Variants in TTLL11 observed in about 807,000 individuals in gnomAD.
TTLL11 encodes tubulin tyrosine ligase like 11.
In TTLL11, 42 loss-of-function variants were observed where a neutral mutation model predicts 51.7. That is an observed-to-expected ratio of 0.81 (90% confidence interval 0.64 to 1.05). The LOEUF (loss-of-function observed/expected upper bound fraction) is 1.05. TTLL11 is among the 50% of genes least tolerant of loss of function. The pLI is 0.00. For missense variants in TTLL11, 799 were observed against 940.4 expected (o/e 0.85, Z 1.97); for synonymous variants, 381 against 383.5 (o/e 0.99, Z 0.08).
intron 6 of TTLL11, among the ~76,000 whole-genome samples, chr9:121,953,650 AAAAAG>A (rs1426985692): frequency 0.016 from 1,232 of 76,318 alleles, 9 homozygotes; most frequent in African/African-American, 0.052. Context: ...AAAAAAAAAA[AAAAAG>A]AAGAAGATTA....
intron 6 of TTLL11, among the ~76,000 whole-genome samples, chr9:121,911,550 T>C (rs1283231221): frequency 6.6e-6 from 1 of 152,196 alleles, no homozygotes; most frequent in Non-Finnish European, 1.5e-5. Flanking sequence ...TGCCCATCAA[T>C]GTTAGACTGG....
In TTLL11 at chr9:121,822,568, CAGG is replaced by C; in HGVS notation, c.*16_*18del. 1 of 1,426,846 alleles carries C rather than the reference CAGG, an allele frequency of 7.0e-7. No individual in the cohort carries two copies. The highest frequency in any genetic ancestry group is 9.2e-7 in the Non-Finnish European group (1 of 1,086,884). 88.4% of individuals were successfully genotyped at this position (1,426,846 alleles called of 1,614,324 possible). A position where few individuals can be genotyped will look rare whatever the true frequency, so the allele number is the denominator to read the frequency against. ...AAAGCTGCTCTCGTCTTCCGTTTTC[CAGG>C]AGGACAGAGTGGCCCTCAGGACAGG... On this transcript the variant is annotated 3_prime_UTR_variant, in exon 9 of 9. Transcript: ENST00000321582. The surrounding 1 kb of genome is among the most constrained non-coding windows in gnomAD (Gnocchi z 5.8).
At chr9:121,837,515 G>C (rs1011662687) in intron 8 of TTLL11, among the ~76,000 whole-genome samples, 1 of 152,090 alleles carries the variant, frequency 6.6e-6, no homozygotes, top group Non-Finnish European at 1.5e-5. Flanking sequence ...CCTGGAGCGG[G>C]TGGGGGTGAG....
chr9:121,974,094 T>C lies in TTLL11; in HGVS notation c.1396A>G (p.Ser466Gly). Reference sequence around the variant, plus strand: ...ACTTTCACTTCTTCATCAACGAGGCTGGGGACATTTTCAAACACCCCTGGA... The same window carrying C: ...ACTTTCACTTCTTCATCAACGAGGCCGGGGACATTTTCAAACACCCCTGGA... ...LSPGVFENVP[S>G]LVDEEVKVAV... The change falls in exon 6 of 9, where the codon AGC (serine) becomes GGC (glycine). Residue 466 changes from serine (S) to glycine (G), a missense_variant. This residue lies in a region of TTLL11 where 468 missense variants were observed against 612.8 expected (regional missense o/e 0.76). Transcript: ENST00000321582. 1 of 1,551,676 alleles carries C rather than the reference T, an allele frequency of 6.4e-7. No individual in the cohort carries two copies. The highest frequency in any genetic ancestry group is 8.7e-7 in the Non-Finnish European group (1 of 1,146,992).
chr9:122,077,775 G>C (rs889997907), intron 1 of TTLL11, among the ~76,000 whole-genome samples: 14 of 146,228 alleles, frequency 9.6e-5, no homozygotes, highest in Non-Finnish European at 2.1e-4. Flanking sequence ...TTGTTTTCAA[G>C]CATACATGGA....
intron 4 of TTLL11, among the ~76,000 whole-genome samples, chr9:121,988,720 C>A (rs959716032): frequency 2.0e-5 from 3 of 152,186 alleles, no homozygotes; most frequent in African/African-American, 7.2e-5. Context: ...GCATTTAAAA[C>A]CCTCCATAAT....
chr9:121,857,586 T>C (rs1837867567), intron 8 of TTLL11, among the ~76,000 whole-genome samples: 1 of 152,212 alleles, frequency 6.6e-6, no homozygotes. Flanking sequence ...TTCCACCTGG[T>C]GATGACTATT....
At position 121,817,285 on chromosome 9, in the gene TTLL11, G is replaced by A. The variant is rs1836439733; in HGVS notation, c.*5302C>T. 6.6e-6 allele frequency: 1 copy of A among 152,236 alleles called. No individual in the cohort carries two copies. Among genetic ancestry groups the A allele is most frequent in the Admixed American group, 6.5e-5 (1 of 15,280 alleles). The allele number at this position is 152,236 out of a possible 1,614,324, so 9.4% of individuals were successfully genotyped here. On this transcript the variant is annotated 3_prime_UTR_variant, in exon 9 of 9. Transcript: ENST00000321582. Reference sequence around the variant, plus strand: ...GTCTTTAAACATGTGGGAATGAAGGGGAGGTGGGGCGTTGGGGGGAGGGCA... The same window carrying A: ...GTCTTTAAACATGTGGGAATGAAGGAGAGGTGGGGCGTTGGGGGGAGGGCA...
chr9:122,025,666 T>C lies in TTLL11; in HGVS notation c.693+6057A>G, dbSNP rs145192126. On this transcript the variant is annotated intron_variant, in intron 3 of 8. Coordinates refer to ENST00000321582, the MANE Select transcript of TTLL11 (RefSeq NM_001139442.2). Reference sequence around the variant, plus strand: ...GACCATTACCAAATTCTGGCAAAGATATGGAGGAATTGGAATGTTCATACA... The same window carrying C: ...GACCATTACCAAATTCTGGCAAAGACATGGAGGAATTGGAATGTTCATACA... 1.7e-3 allele frequency among the ~76,000 whole-genome samples: 255 copies of C among 152,242 alleles called. 1 individual carries two copies. The highest frequency in any genetic ancestry group is 5.8e-3 in the African/African-American group (243 of 41,554).
intron 6 of TTLL11, among the ~76,000 whole-genome samples, chr9:121,875,001 A>G (rs75728566): frequency 1.2e-3 from 184 of 152,186 alleles, no homozygotes; most frequent in African/African-American, 4.1e-3. Context: ...TCTTACAGCT[A>G]TAAGTGGCTT....
At chr9:121,899,366 T>TATATATATAC (rs1839666485) in intron 6 of TTLL11, among the ~76,000 whole-genome samples, 3 of 66,214 alleles carry the variant, frequency 4.5e-5, no homozygotes, top group African/African-American at 9.7e-5. Flanking sequence ...TGTGTGTGTG[T>TATATATATAC]ATATATATAT....
At chr9:122,080,734 G>T (rs1845985218) in intron 1 of TTLL11, among the ~76,000 whole-genome samples, 2 of 151,820 alleles carry the variant, frequency 1.3e-5, no homozygotes, top group African/African-American at 2.4e-5. Flanking sequence ...ATGAAATATA[G>T]GAAGGAAGCA....
At chr9:121,886,181 T>C (rs1362357651) in intron 6 of TTLL11, among the ~76,000 whole-genome samples, 1 of 152,230 alleles carries the variant, frequency 6.6e-6, no homozygotes, top group East Asian at 1.9e-4. Flanking sequence ...CCGTGCCCTA[T>C]GAGACCCCTT....
chr9:122,074,607 T>C (rs1299659012), intron 1 of TTLL11, among the ~76,000 whole-genome samples: 1 of 151,756 alleles, frequency 6.6e-6, no homozygotes, highest in African/African-American at 2.4e-5. Flanking sequence ...AATTCAATAA[T>C]CAAGAGACCA....
At chr9:122,018,852 C>T (rs964761261) in intron 3 of TTLL11, among the ~76,000 whole-genome samples, 3 of 152,336 alleles carry the variant, frequency 2.0e-5, no homozygotes, top group African/African-American at 7.2e-5. Context: ...GCTTAGAACG[C>T]TAAAGCGGGA....
At chr9:121,915,347 G>A (rs1255779113) in intron 6 of TTLL11, among the ~76,000 whole-genome samples, 1 of 152,200 alleles carries the variant, frequency 6.6e-6, no homozygotes, top group African/African-American at 2.4e-5. Context: ...CCATTTTGGA[G>A]TGCATATACT....
chr9:121,944,302 G>A (rs1841590135), intron 6 of TTLL11, among the ~76,000 whole-genome samples: 1 of 152,146 alleles, frequency 6.6e-6, no homozygotes, highest in African/African-American at 2.4e-5. Context: ...GAGATCAGAA[G>A]TTTGAGACCA....
intron 6 of TTLL11, among the ~76,000 whole-genome samples, chr9:121,926,134 T>C (rs986884439): frequency 1.3e-4 from 20 of 152,288 alleles, no homozygotes; most frequent in African/African-American, 4.8e-4. Flanking sequence ...GAAGTTTGCC[T>C]TCACACGCTT....
intron 6 of TTLL11, among the ~76,000 whole-genome samples, chr9:121,940,705 GT>G: frequency 6.6e-6 from 1 of 152,090 alleles, no homozygotes; most frequent in African/African-American, 2.4e-5. Flanking sequence ...CACAGGAGAG[GT>G]AAAACACCAT....
Sources: allele counts gnomAD v4.1 joint callset (sites outside exome capture counted in the v4.1 genomes callset), GRCh38; gene constraint gnomAD v4.1.1; regional missense constraint gnomAD v4.1.1; non-coding constraint Gnocchi (gnomAD v3.1); transcripts MANE v1.5; gene names NCBI Gene and HGNC (gene_info 2026-07-23, HGNC 2026-07-21).